The following RPF2 variants were observed in gnomAD, a reference collection of about 807,000 sequenced individuals.
RPF2 encodes the protein brix domain containing 1.
RPF2 carries 21 observed loss-of-function variants against 38.9 expected under a neutral mutation model. That is an observed-to-expected ratio of 0.54 (90% CI 0.38 to 0.78). RPF2 has a LOEUF of 0.78. Among genes scored for constraint, RPF2 ranks in the 30% least tolerant of loss-of-function variants. The probability of loss-of-function intolerance (pLI) is 0.00; values close to 1 mark genes in which losing one functional copy is unlikely to be tolerated. For missense variants in RPF2, 314 were observed against 358.1 expected (o/e 0.88, Z 0.99); for synonymous variants, 121 against 126.2 (o/e 0.96, Z 0.28).
Position 111,028,064 on chromosome 6 carries a change from A to C in RPF2, c.*2482A>C, listed in dbSNP as rs942248908. 1 of 152,102 alleles carries C rather than the reference A, an allele frequency of 6.6e-6. No homozygotes were observed. Among genetic ancestry groups the C allele is most frequent in the East Asian group, 1.9e-4 (1 of 5,202 alleles). The allele number at this position is 152,102 out of a possible 1,614,324, so 9.4% of individuals were successfully genotyped here. A position where few individuals can be genotyped will look rare whatever the true frequency, so the allele number is the denominator to read the frequency against. On this transcript the variant is annotated 3_prime_UTR_variant, in exon 10 of 10. Coordinates refer to ENST00000441448, the MANE Select transcript of RPF2 (RefSeq NM_032194.3). The stretch of plus-strand genomic sequence containing the variant: ...GCATTTTGGTTATTTGTTTTGTTTT[A>C]AATACCAAATTTCTTATATTTTTTC...
At chr6:110,998,703 G>C (rs1173225873) in intron 5 of RPF2, among the ~76,000 whole-genome samples, 1 of 152,060 alleles carries the variant, frequency 6.6e-6, no homozygotes, top group Admixed American at 6.6e-5. Context: ...CCCCAACCAG[G>C]AATGTCAGGC....
chr6:111,011,925 GATTC>G (rs1374082960), intron 7 of RPF2, among the ~76,000 whole-genome samples: 3 of 152,154 alleles, frequency 2.0e-5, no homozygotes, highest in Non-Finnish European at 4.4e-5. Context: ...AAGAGGAACA[GATTC>G]AGACTGTAGG....
intron 1 of RPF2, 147 bp from the exon 2 acceptor site, chr6:110,984,855 AAAAC>A (rs1360787376): frequency 1.3e-5 from 12 of 925,166 alleles, no homozygotes; most frequent in South Asian, 1.8e-5. Flanking sequence ...CAAACAAAAA[AAAAC>A]AAACAAAAAA....
At chr6:110,996,725 C>T (rs1771716522) in intron 4 of RPF2, among the ~76,000 whole-genome samples, 1 of 152,192 alleles carries the variant, frequency 6.6e-6, no homozygotes, top group Non-Finnish European at 1.5e-5. Context: ...TACCTTTCCT[C>T]TGTATTTTTC....
chr6:111,019,698 C>T (rs1772195117), intron 8 of RPF2, among the ~76,000 whole-genome samples: 1 of 152,016 alleles, frequency 6.6e-6, no homozygotes, highest in Non-Finnish European at 1.5e-5. Context: ...GCACTCCAGC[C>T]TGGGCAACAA....
intron 8 of RPF2, among the ~76,000 whole-genome samples, chr6:111,022,981 C>A (rs1772260518): frequency 6.6e-6 from 1 of 152,248 alleles, no homozygotes; most frequent in Non-Finnish European, 1.5e-5. Flanking sequence ...TCACTGCAAC[C>A]TCCGCCTCCT....
chr6:111,014,007 CT>C, intron 7 of RPF2, among the ~76,000 whole-genome samples: 1 of 150,306 alleles, frequency 6.7e-6, no homozygotes, highest in African/African-American at 2.4e-5. Context: ...AGTATATGTA[CT>C]TTTTTTAAAT....
Position 110,994,046 on chromosome 6 carries a change from G to A in RPF2, c.234+2260G>A, listed in dbSNP as rs192570363. On this transcript the variant is annotated intron_variant, in intron 4 of 9. Coordinates refer to ENST00000441448, the MANE Select transcript of RPF2 (RefSeq NM_032194.3). ...AATCCCAGCGCTCTGGGAGGCCAAG[G>A]CGTGTGGATCACCTAAGGTCAGGAG... 1.5e-3 allele frequency among the ~76,000 whole-genome samples: 224 copies of A among 152,258 alleles called. 5 individuals carry two copies. Among genetic ancestry groups the A allele is most frequent in the Non-Finnish European group, 7.8e-4 (53 of 68,016 alleles).
intron 6 of RPF2, among the ~76,000 whole-genome samples, chr6:111,001,998 G>A (rs150741080): frequency 4.6e-4 from 70 of 152,310 alleles, no homozygotes; most frequent in Admixed American, 2.0e-3. Flanking sequence ...AAAGTAAACC[G>A]GCTAGGCGTG....
intron 6 of RPF2, among the ~76,000 whole-genome samples, chr6:111,002,036 T>G (rs541576252): frequency 6.6e-6 from 1 of 152,194 alleles, no homozygotes; most frequent in Admixed American, 6.5e-5. Context: ...TCCCAGTAGC[T>G]TGGGAGGCCA....
At chr6:110,994,734 TACACACACACAC>T (rs71021820) in intron 4 of RPF2, among the ~76,000 whole-genome samples, 1 of 134,070 alleles carries the variant, frequency 7.5e-6, no homozygotes, top group Non-Finnish European at 1.5e-5. Flanking sequence ...TGAGTATATA[TACACACACACAC>T]ACACACACAC....
intron 8 of RPF2, among the ~76,000 whole-genome samples, chr6:111,017,282 C>A (rs892942577): frequency 6.6e-6 from 1 of 150,848 alleles, no homozygotes; most frequent in Non-Finnish European, 1.5e-5. Flanking sequence ...CCCCAACCTC[C>A]CGGACGGGGC....
At chr6:111,024,032 C>A in intron 8 of RPF2, 151 bp from the exon 9 acceptor site, 2 of 588,946 alleles carry the variant, frequency 3.4e-6, no homozygotes, top group Non-Finnish European at 5.5e-6. Context: ...AAAGGATATA[C>A]TTGGCTTGAA....
At chr6:111,004,244 G>A (rs529252347) in intron 6 of RPF2, among the ~76,000 whole-genome samples, 85 of 151,558 alleles carry the variant, frequency 5.6e-4, no homozygotes, top group African/African-American at 2.0e-3. Flanking sequence ...GTGCAGTGGC[G>A]TGATCTCGGC....
intron 4 of RPF2, among the ~76,000 whole-genome samples, chr6:110,993,336 GA>G (rs1771653429): frequency 1.3e-5 from 2 of 151,830 alleles, no homozygotes; most frequent in Non-Finnish European, 2.9e-5. Flanking sequence ...TTAAAAGAAA[GA>G]AATTAATCTC....
rs572045783 is a variant in RPF2 at position 110,990,226 on chromosome 6, C to T, written c.194+1161C>T. Among the ~76,000 whole-genome samples, 5 of 152,010 alleles carry T rather than the reference C, an allele frequency of 3.3e-5. No homozygotes were observed. The East Asian group carries it at 9.8e-4, about 30-fold the overall frequency. On this transcript the variant is annotated intron_variant, in intron 3 of 9. Transcript: ENST00000441448. The stretch of plus-strand genomic sequence containing the variant: ...GTGCTGGGATTACAGGCGTGAGCCA[C>T]CGTGCCCGGCCCTAGTTTTCCTTTT...
At position 111,027,555 on chromosome 6, in the gene RPF2, G is replaced by C. The variant is rs1772355638; in HGVS notation, c.*1973G>C. 6.6e-6 allele frequency: 1 copy of C among 152,204 alleles called. No homozygotes were observed. The highest frequency in any genetic ancestry group is 2.4e-5 in the African/African-American group (1 of 41,446). The allele number at this position is 152,204 out of a possible 1,614,324, so 9.4% of individuals were successfully genotyped here. On this transcript the variant is annotated 3_prime_UTR_variant, in exon 10 of 10. Coordinates refer to ENST00000441448, the MANE Select transcript of RPF2 (RefSeq NM_032194.3). ...CCTCACCAGCCGCTTACGGGACCCT[G>C]CCATGCCTGGACCCCTCTATCAGGA...
intron 7 of RPF2, among the ~76,000 whole-genome samples, chr6:111,015,398 A>G (rs1320679404): frequency 2.6e-5 from 4 of 152,180 alleles, no homozygotes; most frequent in Non-Finnish European, 5.9e-5. Context: ...TTGAACAGCC[A>G]TTTTTATAGA....
intron 4 of RPF2, among the ~76,000 whole-genome samples, chr6:110,996,698 A>C (rs1401693387): frequency 6.6e-6 from 1 of 152,228 alleles, no homozygotes; most frequent in Non-Finnish European, 1.5e-5. Context: ...AGGAAACTTG[A>C]AGTAAAAAGC....
Sources: allele counts gnomAD v4.1 joint callset (sites outside exome capture counted in the v4.1 genomes callset), GRCh38; gene constraint gnomAD v4.1.1; transcripts MANE v1.5; gene names NCBI Gene and HGNC (gene_info 2026-07-23, HGNC 2026-07-21).